ARSJ: variants seen among roughly 807,000 people sequenced by gnomAD.
The protein encoded by ARSJ is arylsulfatase family member J.
Under a neutral mutation model 35.9 loss-of-function variants are expected in ARSJ, and 26 were observed. That is an observed-to-expected ratio of 0.72 (90% CI 0.53 to 1.00). ARSJ has a LOEUF of 1.00. Ranked by LOEUF, ARSJ falls within the 50% of genes least tolerant of loss-of-function variation. ARSJ has a pLI of 0.00. For synonymous variants in ARSJ, 294 were observed against 267.6 expected, an observed-to-expected ratio of 1.10 and a Z score of -0.96; for missense variants, 667 against 723.6, an observed-to-expected ratio of 0.92 and a Z score of 0.90.
chr4:113,979,030 G>A lies in ARSJ; in HGVS notation c.-196C>T, dbSNP rs1727772227. The A allele has an allele frequency of 3.7e-6, 2 of 536,152 alleles. No individual in the cohort carries two copies. Among genetic ancestry groups the A allele is most frequent in the Non-Finnish European group, 6.4e-6 (2 of 312,394 alleles). 33.2% of individuals were successfully genotyped at this position (536,152 alleles called of 1,614,324 possible). A position where few individuals can be genotyped will look rare whatever the true frequency, so the allele number is the denominator to read the frequency against. On this transcript the variant is annotated 5_prime_UTR_variant, in exon 1 of 2. Coordinates refer to ENST00000315366, the MANE Select transcript of ARSJ (RefSeq NM_024590.4). The stretch of plus-strand genomic sequence containing the variant: ...AATGGATGGGACTCCGGAAGAACAA[G>A]GAGGGCTCGCTCTTCTCCAGCACAT...
At chr4:113,931,458 T>C (rs1724444818) in intron 1 of ARSJ, among the ~76,000 whole-genome samples, 1 of 152,118 alleles carries the variant, frequency 6.6e-6, no homozygotes, top group Admixed American at 6.6e-5. Flanking sequence ...GTTTTCCACC[T>C]GCTTACAATA....
chr4:113,925,321 G>A (rs1594422459), intron 1 of ARSJ, among the ~76,000 whole-genome samples: 1 of 152,180 alleles, frequency 6.6e-6, no homozygotes, highest in East Asian at 1.9e-4. Context: ...GGAACAGGGA[G>A]CAAAAATTTT....
rs565921124 is a variant in ARSJ at position 113,904,454 on chromosome 4, G to A, written c.399-779C>T. Among the ~76,000 whole-genome samples the A allele has an allele frequency of 2.6e-5, 4 of 152,180 alleles. No individual in the cohort carries two copies. The South Asian group carries it at 8.3e-4, about 32-fold the overall frequency. On this transcript the variant is annotated intron_variant, in intron 1 of 1. Coordinates refer to ENST00000315366, the MANE Select transcript of ARSJ (RefSeq NM_024590.4). ...GTACTAAAAATACAAGGAAAAATTAGAGAAAAATCTCCTGTTTGATTGTAA... is the reference window on the plus strand; with the variant it reads ...GTACTAAAAATACAAGGAAAAATTAAAGAAAAATCTCCTGTTTGATTGTAA...
intron 1 of ARSJ, among the ~76,000 whole-genome samples, chr4:113,969,031 C>A (rs548093042): frequency 2.6e-5 from 4 of 152,254 alleles, no homozygotes; most frequent in African/African-American, 9.6e-5. Context: ...TAATAATATT[C>A]AATAACATGT....
intron 1 of ARSJ, among the ~76,000 whole-genome samples, chr4:113,958,621 T>C (rs970204205): frequency 2.6e-5 from 4 of 152,094 alleles, no homozygotes; most frequent in African/African-American, 9.7e-5. Flanking sequence ...GTTTTGACTT[T>C]AGCCGATACA....
chr4:113,908,579 A>G (rs970704127), intron 1 of ARSJ, among the ~76,000 whole-genome samples: 2 of 62,584 alleles, frequency 3.2e-5, no homozygotes, highest in Non-Finnish European at 7.2e-5. Context: ...CTATAGTTGT[A>G]ATTAATCTAT....
At chr4:113,914,348 C>T (rs11943440) in intron 1 of ARSJ, among the ~76,000 whole-genome samples, 107,529 of 152,028 alleles carry the variant, frequency 0.71, 38,837 homozygotes, top group East Asian at 0.81. Context: ...ATTTAGTTAT[C>T]CTAATATGGA....
rs1002661205 is a variant in ARSJ, at chr4:113,901,418, G to A, written c.*856C>T. 6.6e-6 allele frequency: 1 copy of A among 152,046 alleles called. No homozygotes were observed. The highest frequency in any genetic ancestry group is 1.5e-5 in the Non-Finnish European group (1 of 68,010). 9.4% of individuals were successfully genotyped at this position (152,046 alleles called of 1,614,324 possible). A position where few individuals can be genotyped will look rare whatever the true frequency, so the allele number is the denominator to read the frequency against. On this transcript the variant is annotated 3_prime_UTR_variant, in exon 2 of 2. Transcript: ENST00000315366. ...TTACATTAATTTATAGTATTACAGTGCTTGGTAATTTGAAGAAATGAAATA... is the reference window on the plus strand; with the variant it reads ...TTACATTAATTTATAGTATTACAGTACTTGGTAATTTGAAGAAATGAAATA...
At position 113,946,243 on chromosome 4, in the gene ARSJ, G is replaced by A. The variant is rs141073894; in HGVS notation, c.398+32194C>T. ...TCTTGAACTGTCGACACTAGGGGCT[G>A]TGCTTGCTCTCCAAAGTTAAAATGA... On this transcript the variant is annotated intron_variant, in intron 1 of 1. Transcript: ENST00000315366. 1.8e-3 allele frequency: 271 copies of A among 152,080 alleles called. 1 individual carries two copies. Among genetic ancestry groups the A allele is most frequent in the African/African-American group, 6.2e-3 (258 of 41,522 alleles). The allele number at this position is 152,080 out of a possible 1,614,324, so 9.4% of individuals were successfully genotyped here.
intron 1 of ARSJ, among the ~76,000 whole-genome samples, chr4:113,918,993 T>G: frequency 6.6e-6 from 1 of 152,172 alleles, no homozygotes; most frequent in Middle Eastern, 3.2e-3. Context: ...TGCCAAAATA[T>G]TGGGCTGATC....
At chr4:113,937,714 C>G (rs1356440956) in intron 1 of ARSJ, among the ~76,000 whole-genome samples, 1 of 151,956 alleles carries the variant, frequency 6.6e-6, no homozygotes, top group African/African-American at 2.4e-5. Flanking sequence ...AATCAATGTG[C>G]AAAAATCACA....
intron 1 of ARSJ, among the ~76,000 whole-genome samples, chr4:113,914,324 A>T (rs1038048489): frequency 1.3e-5 from 2 of 152,270 alleles, no homozygotes; most frequent in South Asian, 2.1e-4. Context: ...CTTTACATGA[A>T]TTGGTCCATT....
Position 113,927,494 on chromosome 4 carries a change from G to A in ARSJ, c.399-23819C>T, listed in dbSNP as rs935044848. 7.9e-5 allele frequency among the ~76,000 whole-genome samples: 12 copies of A among 152,286 alleles called. No individual in the cohort carries two copies. In the East Asian group the frequency reaches 9.7e-4, roughly 12 times the overall value. ...CTGAATAAGATTATCACACAAAGCCGGAGAGTTGATTTACCCCTGACATAG... is the reference window on the plus strand; with the variant it reads ...CTGAATAAGATTATCACACAAAGCCAGAGAGTTGATTTACCCCTGACATAG... On this transcript the variant is annotated intron_variant, in intron 1 of 1. Transcript: ENST00000315366.
intron 1 of ARSJ, among the ~76,000 whole-genome samples, chr4:113,959,580 T>A (rs527340825): frequency 6.6e-6 from 1 of 152,174 alleles, no homozygotes; most frequent in East Asian, 1.9e-4. Context: ...TTTGTAACAT[T>A]GATTAGAAGA....
At chr4:113,909,801 T>A (rs948908089) in intron 1 of ARSJ, among the ~76,000 whole-genome samples, 1 of 152,136 alleles carries the variant, frequency 6.6e-6, no homozygotes, top group African/African-American at 2.4e-5. Flanking sequence ...AGCTTCTTCC[T>A]AACTATAAGA....
chr4:113,940,571 A>G (rs1036554568), intron 1 of ARSJ, among the ~76,000 whole-genome samples: 2 of 151,868 alleles, frequency 1.3e-5, no homozygotes, highest in Admixed American at 6.6e-5. Context: ...ATGGTTTGAC[A>G]GGTGCAGCAA....
rs759162594 is a variant in ARSJ, at chr4:113,973,946, G to A, written c.398+4491C>T. On this transcript the variant is annotated intron_variant, in intron 1 of 1. Transcript: ENST00000315366. ...AGCATTGACACAACAAATCGATAGCGAAAACAATGAGAATTGGAATGGAAA... is the reference window on the plus strand; with the variant it reads ...AGCATTGACACAACAAATCGATAGCAAAAACAATGAGAATTGGAATGGAAA... Among the ~76,000 whole-genome samples the A allele has an allele frequency of 2.0e-4, 31 of 152,192 alleles. 1 individual carries two copies. The highest frequency in any genetic ancestry group is 3.4e-3 in the Middle Eastern group (1 of 294).
At chr4:113,934,732 C>A (rs1352285933) in intron 1 of ARSJ, among the ~76,000 whole-genome samples, 2 of 151,620 alleles carry the variant, frequency 1.3e-5, no homozygotes, top group Non-Finnish European at 3.0e-5. Flanking sequence ...TTTATTGATA[C>A]CTATTAGATG....
At chr4:113,951,807 T>G (rs1416336470) in intron 1 of ARSJ, among the ~76,000 whole-genome samples, 1 of 152,080 alleles carries the variant, frequency 6.6e-6, no homozygotes, top group Admixed American at 6.6e-5. Context: ...ATCTGAATCA[T>G]GCGTTTAAGA....
Sources: allele counts gnomAD v4.1 joint callset (sites outside exome capture counted in the v4.1 genomes callset), GRCh38; gene constraint gnomAD v4.1.1; transcripts MANE v1.5; gene names NCBI Gene and HGNC (gene_info 2026-07-23, HGNC 2026-07-21).